BTBD9: variants seen among roughly 807,000 people sequenced by gnomAD.
The protein encoded by BTBD9 is BTB domain containing 9, also known as BTB/POZ domain-containing protein 9.
BTBD9 carries 49 observed loss-of-function variants against 64.3 expected under a neutral mutation model. The ratio of observed to expected loss-of-function variants is 0.76; its 90% CI spans 0.61 to 0.97. BTBD9 has a LOEUF of 0.97. Among genes scored for constraint, BTBD9 ranks in the 50% least tolerant of loss-of-function variants. The pLI, the probability that BTBD9 is intolerant of heterozygous loss-of-function variation, is 0.00. For missense variants in BTBD9, 598 were observed against 762.1 expected (o/e 0.78, Z 2.53); for synonymous variants, 260 against 274.7 (o/e 0.95, Z 0.53).
At chr6:38,214,735 T>TACAC (rs1162382335) in intron 9 of BTBD9, among the ~76,000 whole-genome samples, 14 of 152,210 alleles carry the variant, frequency 9.2e-5, no homozygotes, top group Admixed American at 9.2e-4. Flanking sequence ...TGTATTTCAT[T>TACAC]ACACCTGCTT....
At chr6:38,185,723 G>T (rs1179681595) in intron 10 of BTBD9, among the ~76,000 whole-genome samples, 1 of 152,196 alleles carries the variant, frequency 6.6e-6, no homozygotes, top group East Asian at 1.9e-4. Flanking sequence ...TTGTCCCCTT[G>T]CTTTCTTTTT....
rs145748659 is a variant in BTBD9 at position 38,505,610 on chromosome 6, C to T, written c.1154+71990G>A. 1.1e-4 allele frequency among the ~76,000 whole-genome samples: 16 copies of T among 149,756 alleles called. No homozygotes were observed. In the East Asian group the frequency reaches 2.4e-3, roughly 22 times the overall value. On this transcript the variant is annotated intron_variant, in intron 6 of 10. Transcript: ENST00000481247. The stretch of plus-strand genomic sequence containing the variant: ...CTGCACTCCAGCCTGAGCGACACAG[C>T]GAGACTCTGTCTCAAGAAAAAAAAA...
intron 6 of BTBD9, among the ~76,000 whole-genome samples, chr6:38,544,009 C>T (rs1440173305): frequency 6.6e-6 from 1 of 150,904 alleles, no homozygotes; most frequent in East Asian, 1.9e-4. Context: ...TAGGGAGGGA[C>T]AGATGATAAA....
At chr6:38,547,432 A>AAAAAT (rs10654559) in intron 6 of BTBD9, among the ~76,000 whole-genome samples, 28,130 of 151,892 alleles carry the variant, frequency 0.19, 2,637 homozygotes, top group East Asian at 0.27. Context: ...CCTGTCTCAA[A>AAAAAT]AAAATAAGAT....
chr6:38,303,949 GTGTATA>G lies in BTBD9; in HGVS notation c.1265-15494_1265-15489del, dbSNP rs1388670831. ...TATATACACGTGTGTGTGTGTGTGTGTGTATATATATATATATGTGCTGGTGAATAG... is the reference window on the plus strand; with the variant it reads ...TATATACACGTGTGTGTGTGTGTGTGTATATATATATGTGCTGGTGAATAG... On this transcript the variant is annotated intron_variant, in intron 7 of 10. Coordinates refer to ENST00000481247, the MANE Select transcript of BTBD9 (RefSeq NM_001099272.2). Among the ~76,000 whole-genome samples the G allele has an allele frequency of 1.1e-4, 16 of 139,146 alleles. 1 individual carries two copies. The highest frequency in any genetic ancestry group is 7.5e-3 in the Middle Eastern group (2 of 266). The allele number at this position is 139,146 out of a possible 152,430, so 91.3% of individuals were successfully genotyped here.
intron 9 of BTBD9, among the ~76,000 whole-genome samples, chr6:38,194,150 G>A (rs916943825): frequency 2.0e-5 from 3 of 152,068 alleles, no homozygotes; most frequent in Admixed American, 6.5e-5. Flanking sequence ...CCCATGGGCC[G>A]GCAGGGGAGC....
intron 1 of BTBD9, 140 bp from the exon 2 acceptor site, chr6:38,598,261 T>C (rs2127497730): frequency 5.0e-6 from 3 of 604,464 alleles, no homozygotes; most frequent in South Asian, 2.7e-5. Flanking sequence ...GTATCCTTAT[T>C]AACCCATTTA....
intron 6 of BTBD9, among the ~76,000 whole-genome samples, chr6:38,574,840 G>A (rs192831555): frequency 3.3e-5 from 5 of 151,408 alleles, no homozygotes; most frequent in Admixed American, 2.6e-4. Context: ...AGAAGAGTTC[G>A]ACCTAACTCC....
chr6:38,259,672 C>T (rs1401873506), intron 8 of BTBD9, among the ~76,000 whole-genome samples: 2 of 152,214 alleles, frequency 1.3e-5, no homozygotes, highest in South Asian at 2.1e-4. Context: ...CTCGCCTGGC[C>T]TCCTAAAGGG....
intron 6 of BTBD9, among the ~76,000 whole-genome samples, chr6:38,351,504 G>GTTTTTT (rs79539406): frequency 0.013 from 1,303 of 96,602 alleles, 59 homozygotes; most frequent in East Asian, 0.029. Context: ...TTTAATTGTT[G>GTTTTTT]TTGTTTTTTT....
chr6:38,619,802 C>A (rs1392386725), intron 1 of BTBD9, among the ~76,000 whole-genome samples: 1 of 152,220 alleles, frequency 6.6e-6, no homozygotes. Flanking sequence ...CCAGGTATTT[C>A]TCCCACCTCC....
At chr6:38,477,445 A>G (rs1770934770) in intron 6 of BTBD9, among the ~76,000 whole-genome samples, 1 of 152,366 alleles carries the variant, frequency 6.6e-6, no homozygotes, top group South Asian at 2.1e-4. Context: ...CATGCTTACA[A>G]TAAGATGCTC....
intron 8 of BTBD9, among the ~76,000 whole-genome samples, chr6:38,261,268 T>C (rs762879497): frequency 6.6e-5 from 10 of 152,158 alleles, no homozygotes; most frequent in Non-Finnish European, 1.3e-4. Context: ...GCTAAATCTA[T>C]GATTATTGTC....
At chr6:38,448,145 C>G (rs1164961284) in intron 6 of BTBD9, among the ~76,000 whole-genome samples, 1 of 152,210 alleles carries the variant, frequency 6.6e-6, no homozygotes, top group Non-Finnish European at 1.5e-5. Flanking sequence ...CATCCCCAGC[C>G]AAAGCCTCTC....
chr6:38,591,821 G>A (rs1219967575), intron 4 of BTBD9, among the ~76,000 whole-genome samples: 1 of 152,186 alleles, frequency 6.6e-6, no homozygotes, highest in Non-Finnish European at 1.5e-5. Context: ...GTGGTGATAA[G>A]TATCATAAGT....
At chr6:38,333,788 G>A (rs897792448) in intron 7 of BTBD9, among the ~76,000 whole-genome samples, 35 of 152,214 alleles carry the variant, frequency 2.3e-4, no homozygotes, top group African/African-American at 8.4e-4. Flanking sequence ...CTTTATAGCA[G>A]TGTGAAAGTG....
rs1481372085 is a variant in BTBD9 at position 38,334,962 on chromosome 6, G to A, written c.1264+10022C>T. The stretch of plus-strand genomic sequence containing the variant: ...TTGTAATCCCCACGTGTTGAGGGAG[G>A]GACCTGGTGGGAGGTGACTGGATCA... On this transcript the variant is annotated intron_variant, in intron 7 of 10. Coordinates refer to ENST00000481247, the MANE Select transcript of BTBD9 (RefSeq NM_001099272.2). 2.0e-5 allele frequency among the ~76,000 whole-genome samples: 3 copies of A among 152,248 alleles called. No individual in the cohort carries two copies. The East Asian group carries it at 5.8e-4, about 29-fold the overall frequency.
intron 8 of BTBD9, among the ~76,000 whole-genome samples, chr6:38,279,587 C>T (rs1005610421): frequency 6.6e-6 from 1 of 152,112 alleles, no homozygotes; most frequent in Non-Finnish European, 1.5e-5. Flanking sequence ...TCTGTTAGCC[C>T]TCATGAGAAT....
At chr6:38,580,182 C>T (rs1776223850) in intron 5 of BTBD9, 36 bp downstream of exon 5, 1 of 1,590,002 alleles carries the variant, frequency 6.3e-7, no homozygotes, top group Admixed American at 1.7e-5. Context: ...TCATCTCAAA[C>T]ATAATGTCAG....
Sources: allele counts gnomAD v4.1 joint callset (sites outside exome capture counted in the v4.1 genomes callset), GRCh38; gene constraint gnomAD v4.1.1; transcripts MANE v1.5; gene names NCBI Gene and HGNC (gene_info 2026-07-23, HGNC 2026-07-21).